NARS2: variants seen among roughly 807,000 people sequenced by gnomAD.
NARS2 encodes the protein asparaginyl-tRNA synthetase.
In NARS2, 60 loss-of-function variants were observed where a neutral mutation model predicts 62.9. The ratio of observed to expected loss-of-function variants is 0.95; its 90% CI spans 0.77 to 1.18. NARS2 has a LOEUF of 1.18. Among genes scored for constraint, NARS2 ranks in the 50% most tolerant of loss-of-function variants. The pLI is 0.00. For synonymous variants in NARS2, 196 were observed against 200.0 expected (o/e 0.98, Z 0.17); for missense variants, 619 against 576.4 (o/e 1.07, Z -0.76).
In NARS2 at chr11:78,475,787, G is replaced by T. The variant is rs895951074; in HGVS notation, c.959+2651C>A. Among the ~76,000 whole-genome samples, 6 of 151,674 alleles carry T rather than the reference G, an allele frequency of 4.0e-5. No individual in the cohort carries two copies. The East Asian group carries it at 1.2e-3, about 29-fold the overall frequency. Reference sequence around the variant, plus strand: ...AATTTATTTATTTATTTTTTGTAGAGACAGGGTCTCACTAAGTTGGCCAGG... The same window carrying T: ...AATTTATTTATTTATTTTTTGTAGATACAGGGTCTCACTAAGTTGGCCAGG... On this transcript the variant is annotated intron_variant, in intron 9 of 13. Transcript: ENST00000281038.
intron 13 of NARS2, among the ~76,000 whole-genome samples, chr11:78,439,899 A>G (rs1283095667): frequency 6.6e-6 from 1 of 152,200 alleles, no homozygotes; most frequent in Non-Finnish European, 1.5e-5. Flanking sequence ...AGGAAAACCA[A>G]AACAACTTTG....
intron 10 of NARS2, among the ~76,000 whole-genome samples, chr11:78,468,224 C>T (rs1408400965): frequency 6.9e-6 from 1 of 144,332 alleles, no homozygotes; most frequent in African/African-American, 2.6e-5. Flanking sequence ...CAAAAAAACC[C>T]CAGTATTTTC....
intron 2 of NARS2, among the ~76,000 whole-genome samples, chr11:78,570,006 T>C (rs1251201902): frequency 3.9e-5 from 6 of 152,142 alleles, no homozygotes; most frequent in South Asian, 2.1e-4. Context: ...CTGGCCAACA[T>C]GGTAAAATTC....
At chr11:78,494,718 C>T (rs1323281622) in intron 6 of NARS2, among the ~76,000 whole-genome samples, 1 of 152,034 alleles carries the variant, frequency 6.6e-6, no homozygotes, top group Non-Finnish European at 1.5e-5. Flanking sequence ...TGCCTTTCTT[C>T]CAAGATTCAG....
At chr11:78,458,790 T>A (rs558673876) in intron 11 of NARS2, among the ~76,000 whole-genome samples, 74 of 152,322 alleles carry the variant, frequency 4.9e-4, no homozygotes, top group African/African-American at 1.7e-3. Context: ...CCCACCCAAA[T>A]CTCATCTTGA....
chr11:78,489,458 C>T (rs1859723446), intron 7 of NARS2, among the ~76,000 whole-genome samples: 1 of 152,086 alleles, frequency 6.6e-6, no homozygotes, highest in Non-Finnish European at 1.5e-5. Flanking sequence ...TAATGAAGAA[C>T]TAGAACAAGT....
intron 6 of NARS2, among the ~76,000 whole-genome samples, chr11:78,504,013 C>T (rs1040174816): frequency 6.6e-6 from 1 of 152,170 alleles, no homozygotes; most frequent in Non-Finnish European, 1.5e-5. Flanking sequence ...CTCCAAATTC[C>T]CAAGTTACAG....
At chr11:78,464,341 G>A (rs1273193162) in intron 11 of NARS2, among the ~76,000 whole-genome samples, 4 of 152,190 alleles carry the variant, frequency 2.6e-5, no homozygotes, top group African/African-American at 9.7e-5. Flanking sequence ...AACTTCCACA[G>A]TGTGGAAGGG....
At chr11:78,534,310 T>C (rs1478503382) in intron 5 of NARS2, among the ~76,000 whole-genome samples, 1 of 152,250 alleles carries the variant, frequency 6.6e-6, no homozygotes, top group Non-Finnish European at 1.5e-5. Flanking sequence ...TTATGGATGT[T>C]GGCCGCTCAA....
Position 78,559,634 on chromosome 11 carries a change from C to A in NARS2, c.514-15G>T, listed in dbSNP as rs146044255. ...AAGCCACTGTCCTGAAAAAGAAAAC[C>A]ACTGTTTTCAGGATATTTGCACATT... On this transcript the variant is annotated splice_polypyrimidine_tract_variant and intron_variant, in intron 4 of 13. Transcript: ENST00000281038. 1.3e-6 allele frequency: 2 copies of A among 1,556,462 alleles called. No homozygotes were observed. The highest frequency in any genetic ancestry group is 1.8e-6 in the Non-Finnish European group (2 of 1,128,948).
At chr11:78,508,461 T>A (rs1428841904) in intron 6 of NARS2, among the ~76,000 whole-genome samples, 1 of 151,876 alleles carries the variant, frequency 6.6e-6, no homozygotes, top group Non-Finnish European at 1.5e-5. Flanking sequence ...TGGTGACACA[T>A]GCCTGCAATC....
intron 11 of NARS2, among the ~76,000 whole-genome samples, chr11:78,456,059 T>A (rs1858152310): frequency 6.6e-6 from 1 of 152,190 alleles, no homozygotes; most frequent in Admixed American, 6.5e-5. Flanking sequence ...GTTAATCTTA[T>A]TTAGTTAAGT....
At position 78,528,940 on chromosome 11, in the gene NARS2, C is replaced by T. The variant is rs1861389619; in HGVS notation, c.595-4G>A. 1 of 1,595,796 alleles carries T rather than the reference C, an allele frequency of 6.3e-7. No individual in the cohort carries two copies. On this transcript the variant is annotated splice_polypyrimidine_tract_variant and splice_region_variant and intron_variant, in intron 5 of 13. Coordinates refer to ENST00000281038, the MANE Select transcript of NARS2 (RefSeq NM_024678.6). Reference sequence around the variant, plus strand: ...GTACCTTAAGTTTGCCTGAAGGCTGCAAATCAAAAACATAAGCCACAAAAA... The same window carrying T: ...GTACCTTAAGTTTGCCTGAAGGCTGTAAATCAAAAACATAAGCCACAAAAA...
chr11:78,528,271 T>C (rs1861360006), intron 6 of NARS2, among the ~76,000 whole-genome samples: 1 of 152,076 alleles, frequency 6.6e-6, no homozygotes, highest in African/African-American at 2.4e-5. Flanking sequence ...AATTACAGAA[T>C]ATAAGATTTA....
intron 10 of NARS2, among the ~76,000 whole-genome samples, chr11:78,467,496 C>G (rs1858669401): frequency 6.6e-6 from 1 of 151,888 alleles, no homozygotes; most frequent in Admixed American, 6.6e-5. Flanking sequence ...CATGTTTGCA[C>G]CACTGCACTC....
intron 11 of NARS2, among the ~76,000 whole-genome samples, chr11:78,449,591 G>A (rs557799350): frequency 4.6e-5 from 7 of 152,016 alleles, no homozygotes; most frequent in Non-Finnish European, 1.0e-4. Flanking sequence ...GAAAGTTGTT[G>A]TATTAGTCAG....
intron 2 of NARS2, among the ~76,000 whole-genome samples, chr11:78,570,805 C>T (rs780780034): frequency 6.6e-6 from 1 of 152,174 alleles, no homozygotes; most frequent in Non-Finnish European, 1.5e-5. Context: ...AGTGAGATGC[C>T]ATTCCTAACC....
chr11:78,449,427 G>A (rs1051255454), intron 11 of NARS2, among the ~76,000 whole-genome samples: 5 of 151,904 alleles, frequency 3.3e-5, no homozygotes, highest in Non-Finnish European at 5.9e-5. Context: ...GTGAGCCACC[G>A]CGCCTGGCCA....
rs566145543 is a variant in NARS2, at chr11:78,550,698, T to C, written c.594+8841A>G. 1.9e-4 allele frequency among the ~76,000 whole-genome samples: 29 copies of C among 152,294 alleles called. No individual in the cohort carries two copies. The East Asian group carries it at 5.4e-3, about 28-fold the overall frequency. ...AATAGCTTGGCAGTTTTTAAAAATG[T>C]TGAACTTAAGGTTTACAACATGACC... On this transcript the variant is annotated intron_variant, in intron 5 of 13. Coordinates refer to ENST00000281038, the MANE Select transcript of NARS2 (RefSeq NM_024678.6).
Sources: allele counts gnomAD v4.1 joint callset (sites outside exome capture counted in the v4.1 genomes callset), GRCh38; gene constraint gnomAD v4.1.1; transcripts MANE v1.5; gene names NCBI Gene and HGNC (gene_info 2026-07-23, HGNC 2026-07-21).